Variants in HERC2 observed in about 807,000 individuals in gnomAD.
HERC2 encodes HECT and RLD domain containing E3 ubiquitin protein ligase 2, also known as E3 ubiquitin-protein ligase HERC2.
HERC2 carries 102 observed loss-of-function variants against 537.7 expected under a neutral mutation model. The ratio of observed to expected loss-of-function variants is 0.19; its 90% CI spans 0.16 to 0.22. The LOEUF (loss-of-function observed/expected upper bound fraction) is 0.22, where lower values mean the gene tolerates loss of function less well. Ranked by LOEUF, HERC2 falls within the 10% of genes least tolerant of loss-of-function variation. HERC2 has a pLI of 1.00. For synonymous variants in HERC2, 2,224 were observed against 2,466.2 expected, an observed-to-expected ratio of 0.90 and a Z score of 2.91; for missense variants, 4,236 against 6,198.2, an observed-to-expected ratio of 0.68 and a Z score of 10.63.
chr15:28,281,505 T>G (rs1324624436), intron 4 of HERC2, among the ~76,000 whole-genome samples: 6 of 152,222 alleles, frequency 3.9e-5, no homozygotes. Flanking sequence ...CCTCCCCTTG[T>G]GCAGAAGACA....
At chr15:28,134,097 T>C (rs1405384608) in intron 79 of HERC2, among the ~76,000 whole-genome samples, 1 of 152,230 alleles carries the variant, frequency 6.6e-6, no homozygotes, top group African/African-American at 2.4e-5. Flanking sequence ...TTCTGCTCCA[T>C]GAACACAGCA....
At chr15:28,146,693 T>C (rs555413465) in intron 70 of HERC2, among the ~76,000 whole-genome samples, 1 of 150,866 alleles carries the variant, frequency 6.6e-6, no homozygotes, top group South Asian at 2.1e-4. Context: ...CCAAGTCAGA[T>C]GGCAGCTGTG....
chr15:28,239,007 C>A (rs1347011210), intron 23 of HERC2, among the ~76,000 whole-genome samples: 2 of 152,102 alleles, frequency 1.3e-5, no homozygotes, highest in African/African-American at 4.8e-5. Context: ...GGCCACAGAG[C>A]AAATCTCAAC....
chr15:28,191,867 A>G, intron 53 of HERC2, 94 bp downstream of exon 53: 3 of 1,139,762 alleles, frequency 2.6e-6, no homozygotes, highest in Non-Finnish European at 3.7e-6. Context: ...GCTATCAGCA[A>G]AACTTTGCAG....
At chr15:28,189,614 G>A (rs1249587479) in intron 55 of HERC2, among the ~76,000 whole-genome samples, 1 of 152,078 alleles carries the variant, frequency 6.6e-6, no homozygotes, top group Non-Finnish European at 1.5e-5. Context: ...CAGAATAAAT[G>A]GTAACTACTG....
intron 4 of HERC2, among the ~76,000 whole-genome samples, chr15:28,287,355 T>TA (rs1474063026): frequency 6.6e-6 from 1 of 152,150 alleles, no homozygotes; most frequent in Non-Finnish European, 1.5e-5. Flanking sequence ...GGCTGCCAGG[T>TA]AGAGAGTCGG....
At chr15:28,320,746 A>G (rs1336189441) in intron 2 of HERC2, among the ~76,000 whole-genome samples, 1 of 151,900 alleles carries the variant, frequency 6.6e-6, no homozygotes, top group South Asian at 2.1e-4. Flanking sequence ...TCGAAATATT[A>G]GTTATTATTT....
chr15:28,288,762 C>T (rs767621455), intron 4 of HERC2, among the ~76,000 whole-genome samples: 7 of 150,992 alleles, frequency 4.6e-5, no homozygotes, highest in Non-Finnish European at 7.4e-5. Flanking sequence ...GCAGGAGACT[C>T]GCTTGAACCC....
chr15:28,310,206 G>C (rs1463847288), intron 2 of HERC2, among the ~76,000 whole-genome samples: 4 of 152,222 alleles, frequency 2.6e-5, no homozygotes, highest in Non-Finnish European at 5.9e-5. Flanking sequence ...CAGCACTTGG[G>C]AGGCCAAGGC....
chr15:28,228,147 AAAG>A, intron 35 of HERC2, 68 bp downstream of exon 35: 1 of 1,339,360 alleles, frequency 7.5e-7, no homozygotes, highest in Non-Finnish European at 1.0e-6. Context: ...AAAAAAAAGA[AAAG>A]AAAAGAAAAG....
chr15:28,163,515 T>C (rs1234103231), intron 68 of HERC2, among the ~76,000 whole-genome samples: 3 of 152,110 alleles, frequency 2.0e-5, no homozygotes, highest in Non-Finnish European at 4.4e-5. Flanking sequence ...ATGGCATTTA[T>C]CAAAAAGGGA....
intron 4 of HERC2, among the ~76,000 whole-genome samples, chr15:28,287,915 GCT>G (rs2076204406): frequency 1.3e-5 from 2 of 151,800 alleles, no homozygotes; most frequent in South Asian, 2.1e-4. Flanking sequence ...TAGTAGAGAC[GCT>G]GTTTCACCGT....
At chr15:28,150,585 T>A (rs565747775) in intron 70 of HERC2, among the ~76,000 whole-genome samples, 43 of 143,924 alleles carry the variant, frequency 3.0e-4, no homozygotes, top group Non-Finnish European at 5.6e-4. Context: ...ACCAAGAACA[T>A]CACCGAGAAT....
intron 70 of HERC2, among the ~76,000 whole-genome samples, chr15:28,150,022 A>G (rs1380979281): frequency 6.6e-6 from 1 of 152,090 alleles, no homozygotes; most frequent in Admixed American, 6.6e-5. Context: ...TAGTAAAATT[A>G]CCAAAAAAAC....
chr15:28,161,151 A>G (rs1361409172), intron 69 of HERC2, among the ~76,000 whole-genome samples: 1 of 152,230 alleles, frequency 6.6e-6, no homozygotes, highest in Non-Finnish European at 1.5e-5. Flanking sequence ...CTACTTAAGT[A>G]CTTTATCGTT....
At chr15:28,190,501 T>TA (rs1327500589) in intron 55 of HERC2, 1 of 164,450 alleles carries the variant, frequency 6.1e-6, no homozygotes, top group Non-Finnish European at 1.3e-5. Context: ...GAGATAAACT[T>TA]AGACTCATTT....
At chr15:28,246,630 G>T in intron 22 of HERC2, 112 bp downstream of exon 22, 1 of 901,348 alleles carries the variant, frequency 1.1e-6, no homozygotes, top group Non-Finnish European at 1.6e-6. Flanking sequence ...AAGGGCAGGA[G>T]GCCCAGAAAA....
Position 28,233,207 on chromosome 15 carries a change from A to C in HERC2, c.4614T>G (p.Ser1538Arg), listed in dbSNP as rs775274576. Residue 1538 changes from serine to arginine, a missense_variant, in exon 30 of 93, where the codon AGT becomes AGG. Ser to Arg is a moderately radical substitution (Grantham distance 110, BLOSUM62 -1). This residue lies in a region of HERC2 where 343 missense variants were observed against 417.2 expected (regional missense o/e 0.82). Transcript: ENST00000261609. The stretch of plus-strand genomic sequence containing the variant: ...CTATCCTCCTCCAACGGGGCAAAGA[A>C]CTTAACAATTTAAACTTAGACATTA... ...LSIMSKFKLL[S>R]SLPRWRRIAQ... is the part of the protein sequence containing the mutation. 3 of 1,611,638 alleles carry C rather than the reference A, an allele frequency of 1.9e-6. No homozygotes were observed. The highest frequency in any genetic ancestry group is 2.2e-5 in the South Asian group (2 of 90,978).
Position 28,176,922 on chromosome 15 carries a change from T to G in HERC2, c.9432+28A>C. The G allele has an allele frequency of 6.2e-7, 1 of 1,600,742 alleles. No individual in the cohort carries two copies. Among genetic ancestry groups the G allele is most frequent in the East Asian group, 2.2e-5 (1 of 44,560 alleles). On this transcript the variant is annotated intron_variant, in intron 61 of 92. Coordinates refer to ENST00000261609, the MANE Select transcript of HERC2 (RefSeq NM_004667.6). This position sits in a 1 kb window ranked among gnomAD's most constrained non-coding sequence, Gnocchi z 5.0. ...TGACATCTTCAGATGGTAAGCTTTC[T>G]GCAAGCAACAAAAATGCGTATAATC...
Sources: gnomAD v4.1 joint callset for allele counts (sites outside exome capture counted in the v4.1 genomes callset) on GRCh38, gnomAD v4.1.1 for gene constraint, gnomAD v4.1.1 regional missense constraint, Gnocchi (gnomAD v3.1) non-coding constraint, MANE v1.5 for transcripts, NCBI Gene and HGNC (gene_info 2026-07-23, HGNC 2026-07-21) for gene names.